Variants in RSRC1 observed in about 807,000 individuals in gnomAD.
The protein encoded by RSRC1 is arginine and serine rich coiled-coil 1, also known as serine/Arginine-related protein 53.
Under a neutral mutation model 49.1 loss-of-function variants are expected in RSRC1, and 39 were observed. That is an observed-to-expected ratio of 0.79 (90% confidence interval 0.61 to 1.04). The LOEUF (loss-of-function observed/expected upper bound fraction) is 1.04, where lower values mean the gene tolerates loss of function less well. Ranked by LOEUF, RSRC1 falls within the 50% of genes least tolerant of loss-of-function variation. The pLI, the probability that RSRC1 is intolerant of heterozygous loss-of-function variation, is 0.00. For synonymous variants in RSRC1, 143 were observed against 130.8 expected (o/e 1.09, Z -0.63); for missense variants, 388 against 402.4 (o/e 0.96, Z 0.31).
At chr3:158,200,719 GTTA>G (rs1720996426) in intron 3 of RSRC1, among the ~76,000 whole-genome samples, 1 of 151,928 alleles carries the variant, frequency 6.6e-6, no homozygotes, top group South Asian at 2.1e-4. Flanking sequence ...TGTACTTAAA[GTTA>G]TTATTTCACC....
chr3:158,237,760 A>G (rs752351008), intron 4 of RSRC1, among the ~76,000 whole-genome samples: 1 of 152,160 alleles, frequency 6.6e-6, no homozygotes. Flanking sequence ...GACAGGGACA[A>G]TTTGACTTCC....
At chr3:158,394,260 C>T (rs1279626137) in intron 6 of RSRC1, among the ~76,000 whole-genome samples, 5 of 152,052 alleles carry the variant, frequency 3.3e-5, no homozygotes, top group Non-Finnish European at 5.9e-5. Flanking sequence ...AGGATGCCCT[C>T]TCTCACTACT....
At chr3:158,383,009 A>C (rs1732782100) in intron 6 of RSRC1, among the ~76,000 whole-genome samples, 1 of 152,166 alleles carries the variant, frequency 6.6e-6, no homozygotes, top group Non-Finnish European at 1.5e-5. Flanking sequence ...AACCTCTGTC[A>C]GATTAATTAG....
At chr3:158,300,349 CTGTT>C (rs1291073665) in intron 5 of RSRC1, among the ~76,000 whole-genome samples, 1 of 152,202 alleles carries the variant, frequency 6.6e-6, no homozygotes, top group East Asian at 1.9e-4. Context: ...ATCCATCTGT[CTGTT>C]TATCCATCCA....
intron 4 of RSRC1, among the ~76,000 whole-genome samples, chr3:158,250,983 GTCTT>G (rs1724180086): frequency 6.6e-6 from 1 of 152,122 alleles, no homozygotes; most frequent in Non-Finnish European, 1.5e-5. Context: ...TTAAATTTAA[GTCTT>G]TCATTGATTT....
intron 3 of RSRC1, among the ~76,000 whole-genome samples, chr3:158,157,988 A>G (rs1384272397): frequency 1.3e-5 from 2 of 151,878 alleles, no homozygotes; most frequent in Non-Finnish European, 2.9e-5. Flanking sequence ...TTTAACTGTT[A>G]CTATTTACAC....
Position 158,440,263 on chromosome 3 carries a change from G to T in RSRC1, c.584-20672G>T, listed in dbSNP as rs150088035. On this transcript the variant is annotated intron_variant, in intron 6 of 9. Transcript: ENST00000611884. Reference sequence around the variant, plus strand: ...GGGAAAAATGAGTGAGAACCACTTGGTGAAGGATCTCGTAGGTCATGCTAA... The same window carrying T: ...GGGAAAAATGAGTGAGAACCACTTGTTGAAGGATCTCGTAGGTCATGCTAA... Among the ~76,000 whole-genome samples, 12 of 152,132 alleles carry T rather than the reference G, an allele frequency of 7.9e-5. 1 individual carries two copies. In the East Asian group the frequency reaches 1.9e-3, roughly 25 times the overall value.
chr3:158,428,835 T>C (rs147527313), intron 6 of RSRC1, among the ~76,000 whole-genome samples: 5 of 151,984 alleles, frequency 3.3e-5, no homozygotes, highest in African/African-American at 1.2e-4. Context: ...AGTGGTGTGG[T>C]AGGCTATCTA....
At chr3:158,323,470 A>G (rs1186890084) in intron 5 of RSRC1, among the ~76,000 whole-genome samples, 2 of 152,178 alleles carry the variant, frequency 1.3e-5, no homozygotes, top group African/African-American at 4.8e-5. Flanking sequence ...TTCCGCACAC[A>G]TGTGTAATTT....
chr3:158,418,662 C>T (rs887433934), intron 6 of RSRC1, among the ~76,000 whole-genome samples: 3 of 151,908 alleles, frequency 2.0e-5, no homozygotes, highest in Non-Finnish European at 4.4e-5. Context: ...GAATTTTTCT[C>T]AAGAATCATT....
chr3:158,475,896 G>A (rs571124818), intron 7 of RSRC1, among the ~76,000 whole-genome samples: 1 of 152,270 alleles, frequency 6.6e-6, no homozygotes, highest in African/African-American at 2.4e-5. Context: ...GCTTAGTGAG[G>A]AAGGCATGTC....
At chr3:158,341,371 C>T (rs1380805490) in intron 5 of RSRC1, among the ~76,000 whole-genome samples, 1 of 152,020 alleles carries the variant, frequency 6.6e-6, no homozygotes, top group East Asian at 1.9e-4. Flanking sequence ...CTGTGTGCAG[C>T]CTAGGGACTT....
At chr3:158,409,366 A>G (rs1427040153) in intron 6 of RSRC1, among the ~76,000 whole-genome samples, 1 of 152,172 alleles carries the variant, frequency 6.6e-6, no homozygotes, top group African/African-American at 2.4e-5. Context: ...CAAGTCACAA[A>G]TATAGGTATA....
intron 6 of RSRC1, among the ~76,000 whole-genome samples, chr3:158,388,168 T>A (rs892874470): frequency 1.2e-3 from 175 of 151,682 alleles, no homozygotes; most frequent in African/African-American, 4.1e-3. Context: ...ATATATATAT[T>A]TTATCAAACA....
At chr3:158,301,050 T>C (rs1048183439) in intron 5 of RSRC1, among the ~76,000 whole-genome samples, 4 of 152,194 alleles carry the variant, frequency 2.6e-5, no homozygotes, top group African/African-American at 9.6e-5. Context: ...TTTTACAGTC[T>C]CTTAGACCAC....
At chr3:158,356,006 A>G (rs1389768440) in intron 6 of RSRC1, among the ~76,000 whole-genome samples, 2 of 151,920 alleles carry the variant, frequency 1.3e-5, no homozygotes, top group African/African-American at 4.8e-5. Context: ...ATGATAATAA[A>G]ATGGAACAAT....
chr3:158,537,806 G>T (rs1437519659), intron 8 of RSRC1, among the ~76,000 whole-genome samples: 1 of 151,598 alleles, frequency 6.6e-6, no homozygotes, highest in Admixed American at 6.6e-5. Flanking sequence ...TGAAAATATG[G>T]TTATAATTAA....
At chr3:158,276,892 G>A (rs1489240121) in intron 4 of RSRC1, among the ~76,000 whole-genome samples, 1 of 151,944 alleles carries the variant, frequency 6.6e-6, no homozygotes, top group Non-Finnish European at 1.5e-5. Flanking sequence ...TTTGCCTCTG[G>A]CTTCCTATCC....
At chr3:158,225,340 C>G (rs868405672) in intron 4 of RSRC1, among the ~76,000 whole-genome samples, 8 of 151,968 alleles carry the variant, frequency 5.3e-5, no homozygotes, top group Middle Eastern at 6.8e-3. Flanking sequence ...TATCTCCCTA[C>G]TATGATTAAC....
Sources: gnomAD v4.1 joint callset for allele counts (sites outside exome capture counted in the v4.1 genomes callset) on GRCh38, gnomAD v4.1.1 for gene constraint, MANE v1.5 for transcripts, NCBI Gene and HGNC (gene_info 2026-07-23, HGNC 2026-07-21) for gene names.